The following NEBL variants were observed in gnomAD, a reference collection of about 807,000 sequenced individuals.
NEBL encodes the protein LIM and SH3 protein 2.
In NEBL, 122 loss-of-function variants were observed where a neutral mutation model predicts 140.2. The observed-to-expected ratio is 0.87, with a 90% CI of 0.75 to 1.01. NEBL has a LOEUF of 1.01. NEBL is among the 50% of genes least tolerant of loss of function. The pLI is 0.00. For missense variants in NEBL, 1,365 were observed against 1,231.3 expected (o/e 1.11, Z -1.62); for synonymous variants, 436 against 398.9 (o/e 1.09, Z -1.11).
upstream of NEBL, among the ~76,000 whole-genome samples, chr10:21,176,926 A>T (rs1226690737): frequency 6.6e-6 from 1 of 152,246 alleles, no homozygotes; most frequent in Non-Finnish European, 1.5e-5. Context: ...CACCTTTATT[A>T]TTCAGGCTAC....
At chr10:21,025,133 GT>G (rs1838972940) in intron 2 of NEBL, among the ~76,000 whole-genome samples, 1 of 151,818 alleles carries the variant, frequency 6.6e-6, no homozygotes, top group Non-Finnish European at 1.5e-5. Context: ...AGAAATGGAT[GT>G]TCAAAGAGAA....
At chr10:21,215,824 C>T (rs1024034887) in intron 3 of NEBL, among the ~76,000 whole-genome samples, 1 of 152,098 alleles carries the variant, frequency 6.6e-6, no homozygotes, top group Admixed American at 6.6e-5. Flanking sequence ...CCATGCTTGA[C>T]CAGTTTTTGT....
chr10:21,235,903 A>G (rs955347127), intron 3 of NEBL, among the ~76,000 whole-genome samples: 2 of 152,344 alleles, frequency 1.3e-5, no homozygotes, highest in South Asian at 4.1e-4. Flanking sequence ...TTCCTGAAAC[A>G]TAGGTCATCA....
intron 3 of NEBL, among the ~76,000 whole-genome samples, chr10:21,227,650 A>C (rs1842169419): frequency 7.9e-6 from 1 of 126,560 alleles, no homozygotes; most frequent in Non-Finnish European, 1.8e-5. Flanking sequence ...AAAGCACTTG[A>C]AGTTTCTTCT....
At chr10:20,929,565 A>C (rs1834079673) in intron 4 of NEBL, among the ~76,000 whole-genome samples, 1 of 152,218 alleles carries the variant, frequency 6.6e-6, no homozygotes, top group Non-Finnish European at 1.5e-5. Flanking sequence ...ACACCATGGA[A>C]TACTACTCAG....
At chr10:21,176,636 A>G (rs1841304733), upstream of NEBL, among the ~76,000 whole-genome samples, 1 of 152,216 alleles carries the variant, frequency 6.6e-6, no homozygotes, top group Non-Finnish European at 1.5e-5. Flanking sequence ...TAATGATTGA[A>G]TTGTCTACTG....
intron 14 of NEBL, among the ~76,000 whole-genome samples, chr10:20,832,604 ATGT>A (rs1840521771): frequency 6.6e-6 from 1 of 150,628 alleles, no homozygotes; most frequent in African/African-American, 2.4e-5. Flanking sequence ...TCAAAGAAAA[ATGT>A]TATTAAAAAA....
At chr10:21,266,194 G>A (rs999453281) in intron 1 of NEBL, among the ~76,000 whole-genome samples, 1 of 151,982 alleles carries the variant, frequency 6.6e-6, no homozygotes, top group African/African-American at 2.4e-5. Context: ...AGGCTGGACT[G>A]CAGTGATGTG....
At chr10:20,912,062 TATA>T (rs1466662351) in intron 4 of NEBL, among the ~76,000 whole-genome samples, 2 of 152,248 alleles carry the variant, frequency 1.3e-5, no homozygotes, top group East Asian at 1.9e-4. Flanking sequence ...CTCTTACGGT[TATA>T]ATAACTTTTC....
chr10:21,099,012 G>T (rs529284503), intron 2 of NEBL, among the ~76,000 whole-genome samples: 2 of 152,134 alleles, frequency 1.3e-5, no homozygotes, highest in African/African-American at 4.8e-5. Context: ...ACACACCTGC[G>T]GTCCTATCTA....
At chr10:20,856,013 A>G (rs1221589480) in intron 9 of NEBL, among the ~76,000 whole-genome samples, 1 of 152,202 alleles carries the variant, frequency 6.6e-6, no homozygotes, top group Non-Finnish European at 1.5e-5. Context: ...AGGCCATTCT[A>G]ATATACAATA....
chr10:21,225,009 G>A (rs2132248398), intron 3 of NEBL, among the ~76,000 whole-genome samples: 1 of 151,720 alleles, frequency 6.6e-6, no homozygotes, highest in Middle Eastern at 3.4e-3. Context: ...TCTCTTGTCT[G>A]GTTGCTCTAG....
rs1841159829 is a variant in NEBL at position 21,173,198 on chromosome 10, C to G, written c.69+567G>C. ...GAACTACTTCCCCTGGAATTCCCCA[C>G]CCGGTGGATTAGACACCCGTGGGTC... On this transcript the variant is annotated intron_variant, in intron 1 of 6. Transcript: ENST00000417816. The surrounding 1 kb of genome is among the most constrained non-coding windows in gnomAD (Gnocchi z 5.7). Among the ~76,000 whole-genome samples, 1 of 152,236 alleles carries G rather than the reference C, an allele frequency of 6.6e-6. No individual in the cohort carries two copies. The highest frequency in any genetic ancestry group is 1.5e-5 in the Non-Finnish European group (1 of 68,038).
intron 4 of NEBL, among the ~76,000 whole-genome samples, chr10:20,942,425 T>C (rs1292787044): frequency 2.0e-5 from 3 of 152,284 alleles, no homozygotes; most frequent in Non-Finnish European, 4.4e-5. Flanking sequence ...TTACACCTTA[T>C]ACAAAAATTA....
chr10:20,809,667 T>C, intron 25 of NEBL, 139 bp downstream of exon 25: 1 of 687,158 alleles, frequency 1.5e-6, no homozygotes, highest in East Asian at 2.7e-5. Flanking sequence ...TATTTAAAAG[T>C]AGCATAGCAT....
Position 21,249,832 on chromosome 10 carries a change from G to C in NEBL, n.280-1843C>G, listed in dbSNP as rs1322329598. Reference sequence around the variant, plus strand: ...CAATCCCAGCACTTCGGGAGGCTGAGGTGGGTGGATCACCTGAGGTCAGGG... The same window carrying C: ...CAATCCCAGCACTTCGGGAGGCTGACGTGGGTGGATCACCTGAGGTCAGGG... On this transcript the variant is annotated intron_variant and non_coding_transcript_variant, in intron 2 of 8. Coordinates refer to the NEBL transcript ENST00000675702. Among the ~76,000 whole-genome samples, 3 of 152,118 alleles carry C rather than the reference G, an allele frequency of 2.0e-5. No individual in the cohort carries two copies. The East Asian group carries it at 5.8e-4, about 29-fold the overall frequency.
chr10:21,147,808 C>T (rs529068567), intron 2 of NEBL, among the ~76,000 whole-genome samples: 3 of 152,212 alleles, frequency 2.0e-5, no homozygotes, highest in South Asian at 2.1e-4. Context: ...CTTCAGCATT[C>T]GGACTTGAGG....
chr10:21,061,257 G>A (rs1835267015), intron 2 of NEBL, among the ~76,000 whole-genome samples: 1 of 144,028 alleles, frequency 6.9e-6, no homozygotes, highest in Non-Finnish European at 1.5e-5. Flanking sequence ...CATATTATGT[G>A]ATATGTAACA....
chr10:20,974,741 A>G (rs1248706750), intron 3 of NEBL, among the ~76,000 whole-genome samples: 1 of 152,210 alleles, frequency 6.6e-6, no homozygotes, highest in African/African-American at 2.4e-5. Context: ...AATAACTAAG[A>G]TAACTACTTA....
Sources: gnomAD v4.1 joint callset for allele counts (sites outside exome capture counted in the v4.1 genomes callset) on GRCh38, gnomAD v4.1.1 for gene constraint, Gnocchi (gnomAD v3.1) non-coding constraint, MANE v1.5 for transcripts, NCBI Gene and HGNC (gene_info 2026-07-23, HGNC 2026-07-21) for gene names.